The following FAM149A variants were observed in gnomAD, a reference collection of about 807,000 sequenced individuals.
FAM149A encodes the protein family with sequence similarity 149 member A.
In FAM149A, 71 loss-of-function variants were observed where a neutral mutation model predicts 78.2. The ratio of observed to expected loss-of-function variants is 0.91; its 90% CI spans 0.75 to 1.11. FAM149A has a LOEUF of 1.11. Ranked by LOEUF, FAM149A falls within the 50% of genes least tolerant of loss-of-function variation. The pLI, the probability that FAM149A is intolerant of heterozygous loss-of-function variation, is 0.00. For synonymous variants in FAM149A, 446 were observed against 410.5 expected (o/e 1.09, Z -1.04); for missense variants, 1,036 against 971.0 (o/e 1.07, Z -0.89).
rs376924544 is a variant in FAM149A, at chr4:186,117,583, G to A, written c.566+11941G>A. The A allele has an allele frequency of 2.9e-4, 286 of 985,440 alleles. No homozygotes were observed. In the African/African-American group the frequency reaches 4.7e-3, roughly 16 times the overall value. 61.0% of individuals were successfully genotyped at this position (985,440 alleles called of 1,614,324 possible). The stretch of plus-strand genomic sequence containing the variant: ...GCACTGTCGGAGACCAAAGCAGTGT[G>A]AGCAAAGCCGTGGAGGCCCAGAGCC... On this transcript the variant is annotated intron_variant, in intron 1 of 13. Transcript: ENST00000389354.
chr4:186,130,293 C>CTATATATATATA lies in FAM149A; in HGVS notation c.567-18869_567-18858dup, dbSNP rs1554068050. The CTATATATATATA allele has an allele frequency of 4.3e-3, 202 of 46,560 alleles. 3 individuals are homozygous for CTATATATATATA. Among genetic ancestry groups the CTATATATATATA allele is most frequent in the Middle Eastern group, 0.029 (2 of 68 alleles). 2.9% of individuals were successfully genotyped at this position (46,560 alleles called of 1,614,324 possible). A position where few individuals can be genotyped will look rare whatever the true frequency, so the allele number is the denominator to read the frequency against. On this transcript the variant is annotated intron_variant, in intron 1 of 13. Transcript: ENST00000389354. The stretch of plus-strand genomic sequence containing the variant: ...TCTCTCTCTCTCTCTCTCTCTCTCT[C>CTATATATATATA]TATATATATATATATATATATAATC...
intron 1 of FAM149A, chr4:186,122,871 T>C (rs2099316678): frequency 2.7e-6 from 1 of 376,684 alleles, no homozygotes; most frequent in Admixed American, 6.4e-5. Flanking sequence ...TCCTTAACAT[T>C]TGTGAACCCT....
chr4:186,149,468 A>G, intron 2 of FAM149A, 98 bp from the exon 3 acceptor site: 1 of 1,179,184 alleles, frequency 8.5e-7, no homozygotes, highest in Non-Finnish European at 1.1e-6. Flanking sequence ...AATATATTTA[A>G]TGAAAGAAAG....
At chr4:186,136,194 G>C (rs1302809999) in intron 1 of FAM149A, among the ~76,000 whole-genome samples, 1 of 152,164 alleles carries the variant, frequency 6.6e-6, no homozygotes, top group Non-Finnish European at 1.5e-5. Context: ...GTTGCAGTTT[G>C]CCCAATTGAA....
At chr4:186,148,964 T>C (rs568469073) in intron 1 of FAM149A, among the ~76,000 whole-genome samples, 116 of 151,300 alleles carry the variant, frequency 7.7e-4, no homozygotes, top group Non-Finnish European at 1.4e-3. Flanking sequence ...AAAAGAAAAA[T>C]GATGACATCC....
intron 11 of FAM149A, 69 bp downstream of exon 11, chr4:186,165,533 C>A: frequency 1.3e-6 from 2 of 1,528,216 alleles, no homozygotes; most frequent in Admixed American, 3.6e-5. Flanking sequence ...CAAAAACAAC[C>A]TTGGCACTTC....
At chr4:186,171,391 C>G (rs1159469682) in intron 13 of FAM149A, 1 of 152,250 alleles carries the variant, frequency 6.6e-6, no homozygotes, top group Non-Finnish European at 1.5e-5. Flanking sequence ...ATCTTCCTGT[C>G]TTTCTGAGGG....
At chr4:186,108,949 G>A (rs915926108) in intron 1 of FAM149A, 4 of 150,508 alleles carry the variant, frequency 2.7e-5, no homozygotes, top group Non-Finnish European at 5.9e-5. Flanking sequence ...CTGGGTTCAC[G>A]CCATTCTCCT....
At chr4:186,109,209 A>G (rs2099310209) in intron 1 of FAM149A, 1 of 984,448 alleles carries the variant, frequency 1.0e-6, no homozygotes, top group South Asian at 4.7e-5. Flanking sequence ...AGGTGGATAG[A>G]TAGATAATTG....
chr4:186,154,674 A>T, intron 6 of FAM149A, 36 bp downstream of exon 6: 1 of 1,566,948 alleles, frequency 6.4e-7, no homozygotes, highest in Non-Finnish European at 8.7e-7. Flanking sequence ...ACCTCATAAA[A>T]TAATATTAAT....
chr4:186,149,647 G>C lies in FAM149A; in HGVS notation c.732G>C (p.Gln244His). Reference sequence around the variant, plus strand: ...CCTCTTGGTCTGGGTCGGCCACACAGAGCTCTACCACCGGCTCATCCACGG... The same window carrying C: ...CCTCTTGGTCTGGGTCGGCCACACACAGCTCTACCACCGGCTCATCCACGG... Residue 244 changes from glutamine (Q) to histidine (H), a missense_variant, in exon 3 of 14, where the codon CAG becomes CAC. By Grantham distance (24) the Gln-to-His change is conservative. Coordinates refer to ENST00000389354, the MANE Select transcript of FAM149A (RefSeq NM_001367768.3). 3.1e-6 allele frequency: 4 copies of C among 1,290,006 alleles called. No individual in the cohort carries two copies. The highest frequency in any genetic ancestry group is 4.0e-6 in the Non-Finnish European group (4 of 988,928). The allele number at this position is 1,290,006 out of a possible 1,614,324, so 79.9% of individuals were successfully genotyped here. A position where few individuals can be genotyped will look rare whatever the true frequency, so the allele number is the denominator to read the frequency against.
At chr4:186,130,195 A>T (rs540201808) in intron 1 of FAM149A, 5 of 151,638 alleles carry the variant, frequency 3.3e-5, no homozygotes, top group Non-Finnish European at 7.4e-5. Context: ...TACAACCCAG[A>T]CATAAACTTG....
chr4:186,123,378 A>G (rs1272429243), intron 1 of FAM149A: 4 of 985,144 alleles, frequency 4.1e-6, no homozygotes, highest in African/African-American at 3.5e-5. Context: ...TCTCATGGAC[A>G]TGTGCTGATG....
At chr4:186,153,843 A>G in intron 5 of FAM149A, 73 bp downstream of exon 5, 1 of 1,501,400 alleles carries the variant, frequency 6.7e-7, no homozygotes, top group East Asian at 2.3e-5. Flanking sequence ...TGTTTATCTC[A>G]TCTATAAGCC....
chr4:186,120,323 G>T (rs2099315422), intron 1 of FAM149A, among the ~76,000 whole-genome samples: 1 of 152,168 alleles, frequency 6.6e-6, no homozygotes, highest in Non-Finnish European at 1.5e-5. Flanking sequence ...TGTGATAAAT[G>T]TAAGATTGAA....
rs1256735494 is a variant in FAM149A at position 186,174,937 on chromosome 4, C to G, written c.*2950C>G. Reference sequence around the variant, plus strand: ...TAAAAATTAAAAAAGAAAAATTGAACTACTTCTGAGATAGATTTTTAAATT... The same window carrying G: ...TAAAAATTAAAAAAGAAAAATTGAAGTACTTCTGAGATAGATTTTTAAATT... On this transcript the variant is annotated 3_prime_UTR_variant, in exon 14 of 14. Coordinates refer to ENST00000389354, the MANE Select transcript of FAM149A (RefSeq NM_001367768.3). Among the ~76,000 whole-genome samples, 1 of 111,088 alleles carries G rather than the reference C, an allele frequency of 9.0e-6. No homozygotes were observed. The highest frequency in any genetic ancestry group is 2.3e-5 in the Non-Finnish European group (1 of 44,174). 72.9% of individuals were successfully genotyped at this position (111,088 alleles called of 152,430 possible).
intron 1 of FAM149A, chr4:186,130,293 C>CTCTCTCTCTCTCTCTCTATA: frequency 0.011 from 495 of 46,494 alleles, 6 homozygotes; most frequent in South Asian, 0.018. Flanking sequence ...CTCTCTCTCT[C>CTCTCTCTCTCTCTCTCTATA]TATATATATA....
intron 1 of FAM149A, among the ~76,000 whole-genome samples, chr4:186,121,663 C>T (rs1004597167): frequency 9.2e-5 from 14 of 152,132 alleles, no homozygotes; most frequent in African/African-American, 2.9e-4. Flanking sequence ...CTTACTATGA[C>T]GGCCCTGACA....
rs776190473 is a variant in FAM149A, at chr4:186,105,466, C to T, written c.390C>T (p.Pro130=). ...GCCTGGTGGTCCCAGCGCGGCCGCCCTCGGGCCCCGGCGGGGTCTGGGCCG... is the reference window on the plus strand; with the variant it reads ...GCCTGGTGGTCCCAGCGCGGCCGCCTTCGGGCCCCGGCGGGGTCTGGGCCG... Residue 130 remains proline (P), a synonymous_variant, in exon 1 of 14, where the codon CCC becomes CCT. Coordinates refer to ENST00000389354, the MANE Select transcript of FAM149A (RefSeq NM_001367768.3). 8.2e-7 allele frequency: 1 copy of T among 1,214,916 alleles called. No individual in the cohort carries two copies. Among genetic ancestry groups the T allele is most frequent in the South Asian group, 1.4e-5 (1 of 71,256 alleles). 75.3% of individuals were successfully genotyped at this position (1,214,916 alleles called of 1,614,324 possible). A position where few individuals can be genotyped will look rare whatever the true frequency, so the allele number is the denominator to read the frequency against.
Sources: allele counts gnomAD v4.1 joint callset (sites outside exome capture counted in the v4.1 genomes callset), GRCh38; gene constraint gnomAD v4.1.1; transcripts MANE v1.5; gene names NCBI Gene and HGNC (gene_info 2026-07-23, HGNC 2026-07-21).